DAB1: variants seen among roughly 807,000 people sequenced by gnomAD.
DAB1 encodes disabled homolog 1.
A neutral mutation model predicts 64.6 loss-of-function variants in DAB1; 15 were observed. The observed-to-expected ratio is 0.23, with a 90% CI of 0.16 to 0.36. DAB1 has a LOEUF of 0.36. Ranked by LOEUF, DAB1 falls within the 10% of genes least tolerant of loss-of-function variation. The pLI, the probability that DAB1 is intolerant of heterozygous loss-of-function variation, is 1.00. For missense variants in DAB1, 596 were observed against 706.7 expected (o/e 0.84, Z 1.78); for synonymous variants, 235 against 251.9 (o/e 0.93, Z 0.64).
At chr1:57,786,180 T>C (rs372645025) in intron 6 of DAB1, among the ~76,000 whole-genome samples, 2 of 152,310 alleles carry the variant, frequency 1.3e-5, no homozygotes. Flanking sequence ...ATAATACTTT[T>C]GCACACTTAA....
rs1644618137 is a variant in DAB1, at chr1:57,528,363, G to A, written n.625+121229C>T. On this transcript the variant is annotated intron_variant and non_coding_transcript_variant, in intron 7 of 20. Coordinates refer to the DAB1 transcript ENST00000485760. ...AAATTTGGAAAAAATAGTAAACAGA[G>A]CCTCAGTGACCTGTATGACAATATT... Among the ~76,000 whole-genome samples, 6 of 152,120 alleles carry A rather than the reference G, an allele frequency of 3.9e-5. 1 individual carries two copies. The highest frequency in any genetic ancestry group is 1.4e-4 in the African/African-American group (6 of 41,528).
chr1:57,561,844 G>T (rs1645056218), intron 7 of DAB1, among the ~76,000 whole-genome samples: 1 of 152,228 alleles, frequency 6.6e-6, no homozygotes, highest in African/African-American at 2.4e-5. Flanking sequence ...ACCATTCCTT[G>T]CAGTGATCAG....
chr1:58,313,854 T>TGAGA lies in DAB1; in HGVS notation n.309+29497_309+29498insTCTC, dbSNP rs1553174583. Among the ~76,000 whole-genome samples, 200 of 117,906 alleles carry TGAGA rather than the reference T, an allele frequency of 1.7e-3. 1 individual carries two copies. The highest frequency in any genetic ancestry group is 4.9e-3 in the African/African-American group (174 of 35,714). 77.4% of individuals were successfully genotyped at this position (117,906 alleles called of 152,430 possible). ...GTGTGTGTGTGTGTGTGTGTGTGTGTGTGAGAGAGAGAGAGAGAGAGAGAG... is the reference window on the plus strand; with the variant it reads ...GTGTGTGTGTGTGTGTGTGTGTGTGTGAGAGTGAGAGAGAGAGAGAGAGAGAGAG... On this transcript the variant is annotated intron_variant and non_coding_transcript_variant, in intron 4 of 20. Transcript: ENST00000485760.
intron 3 of DAB1, among the ~76,000 whole-genome samples, chr1:58,442,323 C>T (rs1422083804): frequency 6.6e-6 from 1 of 152,198 alleles, no homozygotes; most frequent in Non-Finnish European, 1.5e-5. Flanking sequence ...CACATGCTGG[C>T]CCCGCTCCAA....
intron 14 of DAB1, among the ~76,000 whole-genome samples, chr1:57,000,261 G>A (rs1645807045): frequency 1.3e-5 from 2 of 152,034 alleles, no homozygotes; most frequent in African/African-American, 4.8e-5. Context: ...AGCCAGGATG[G>A]TCTCAATTTC....
intron 2 of DAB1, among the ~76,000 whole-genome samples, chr1:57,200,010 G>A (rs1453203444): frequency 6.6e-6 from 1 of 152,130 alleles, no homozygotes; most frequent in Non-Finnish European, 1.5e-5. Context: ...TCAATGTCAT[G>A]GCCTCAGAGA....
chr1:58,368,692 C>A (rs1487551323), intron 3 of DAB1, among the ~76,000 whole-genome samples: 1 of 152,160 alleles, frequency 6.6e-6, no homozygotes, highest in Non-Finnish European at 1.5e-5. Flanking sequence ...GTGTCAGCAT[C>A]CTCAGCCTGA....
At position 58,110,047 on chromosome 1, in the gene DAB1, G is replaced by C. The variant is rs920467084; in HGVS notation, n.387+40464C>G. ...CTGGGCCAATCAGGGACTCTCCCTA[G>C]AACTTTAAAACTTACAGTTGTGTCC... On this transcript the variant is annotated intron_variant and non_coding_transcript_variant, in intron 5 of 20. Transcript: ENST00000485760. Among the ~76,000 whole-genome samples, 8 of 152,336 alleles carry C rather than the reference G, an allele frequency of 5.3e-5. No individual in the cohort carries two copies. In the East Asian group the frequency reaches 1.2e-3, roughly 22 times the overall value.
At chr1:57,215,100 T>C (rs868335937) in intron 2 of DAB1, among the ~76,000 whole-genome samples, 7 of 152,190 alleles carry the variant, frequency 4.6e-5, no homozygotes, top group Admixed American at 2.6e-4. Flanking sequence ...AAAAAGCTCT[T>C]TCATGACTCA....
intron 3 of DAB1, chr1:58,415,493 GGA>G (rs1476067793): frequency 2.1e-5 from 5 of 243,322 alleles, no homozygotes; most frequent in Non-Finnish European, 3.3e-5. Flanking sequence ...ATCCTAGAAA[GGA>G]GACAAAAATG....
intron 1 of DAB1, among the ~76,000 whole-genome samples, chr1:57,337,677 G>A (rs11207011): frequency 0.4 from 61,351 of 151,986 alleles, 13,121 homozygotes; most frequent in Non-Finnish European, 0.48. Flanking sequence ...CTAGAAGAGC[G>A]GCGCCTGGTG....
chr1:57,283,553 A>G (rs566414590), intron 2 of DAB1, among the ~76,000 whole-genome samples: 1 of 152,298 alleles, frequency 6.6e-6, no homozygotes, highest in East Asian at 1.9e-4. Flanking sequence ...ACGAACTACT[A>G]TTATTTCCAT....
At chr1:58,135,130 A>G (rs1653869166) in intron 5 of DAB1, among the ~76,000 whole-genome samples, 1 of 152,158 alleles carries the variant, frequency 6.6e-6, no homozygotes, top group Non-Finnish European at 1.5e-5. Flanking sequence ...GCTGTTGTAA[A>G]TCAAAAGGGA....
At chr1:57,250,399 C>T (rs1282552695) in intron 2 of DAB1, among the ~76,000 whole-genome samples, 2 of 152,118 alleles carry the variant, frequency 1.3e-5, no homozygotes, top group African/African-American at 2.4e-5. Flanking sequence ...AAGTAAAATA[C>T]TGGTGTACCT....
chr1:57,411,068 A>G (rs1342888676), intron 1 of DAB1, among the ~76,000 whole-genome samples: 1 of 152,214 alleles, frequency 6.6e-6, no homozygotes, highest in Non-Finnish European at 1.5e-5. Flanking sequence ...GATTAATGGC[A>G]CAAGGGATAC....
intron 9 of DAB1, among the ~76,000 whole-genome samples, chr1:57,048,543 C>T (rs928957189): frequency 2.6e-5 from 4 of 152,194 alleles, no homozygotes; most frequent in African/African-American, 7.2e-5. Context: ...AAAACGTCCT[C>T]GTCTGTCCTC....
chr1:58,248,477 A>G (rs1445199126), intron 4 of DAB1, among the ~76,000 whole-genome samples: 1 of 152,164 alleles, frequency 6.6e-6, no homozygotes, highest in Admixed American at 6.5e-5. Context: ...TATTATTAGA[A>G]AACCTAGACC....
intron 6 of DAB1, among the ~76,000 whole-genome samples, chr1:57,667,625 T>G (rs1038730493): frequency 1.3e-5 from 2 of 152,098 alleles, no homozygotes; most frequent in Non-Finnish European, 2.9e-5. Flanking sequence ...CTATCCTGTA[T>G]AGTAGCCACT....
At chr1:58,324,332 A>C (rs963072822) in intron 4 of DAB1, among the ~76,000 whole-genome samples, 2 of 152,204 alleles carry the variant, frequency 1.3e-5, no homozygotes, top group African/African-American at 4.8e-5. Flanking sequence ...TGCAATTGCT[A>C]ATCTATTCAT....
Sources: gnomAD v4.1 joint callset for allele counts (sites outside exome capture counted in the v4.1 genomes callset) on GRCh38, gnomAD v4.1.1 for gene constraint, MANE v1.5 for transcripts, NCBI Gene and HGNC (gene_info 2026-07-23, HGNC 2026-07-21) for gene names.